Variants in GABRG3 observed in about 807,000 individuals in gnomAD.
GABRG3 encodes gamma-aminobutyric acid type A receptor subunit gamma3, also known as gamma-aminobutyric acid receptor subunit gamma-3.
In GABRG3, 25 loss-of-function variants were observed where a neutral mutation model predicts 48.8. The observed-to-expected ratio is 0.51, with a 90% CI of 0.37 to 0.72. GABRG3 has a LOEUF of 0.72. GABRG3 is among the 30% of genes least tolerant of loss of function. The pLI is 0.00. For synonymous variants in GABRG3, 227 were observed against 217.6 expected (o/e 1.04, Z -0.38); for missense variants, 394 against 577.9 (o/e 0.68, Z 3.26).
intron 3 of GABRG3, among the ~76,000 whole-genome samples, chr15:27,258,016 A>G (rs1890672163): frequency 6.6e-6 from 1 of 152,156 alleles, no homozygotes; most frequent in Admixed American, 6.5e-5. Flanking sequence ...AATGCTATTT[A>G]TATTTAAAGA....
intron 3 of GABRG3, among the ~76,000 whole-genome samples, chr15:27,195,832 A>G (rs1888479779): frequency 1.3e-5 from 2 of 152,054 alleles, no homozygotes; most frequent in South Asian, 2.1e-4. Flanking sequence ...ACGGGGTTTC[A>G]CTATTTTGGC....
Position 26,974,421 on chromosome 15 carries a change from C to G in GABRG3, c.54-2581C>G, listed in dbSNP as rs114398961. ...ATGATGAAAAGCTGGTTACTGTGCT[C>G]GGTTTGTGTGTATGTGATTATCAGG... On this transcript the variant is annotated intron_variant, in intron 1 of 9. Coordinates refer to ENST00000615808, the MANE Select transcript of GABRG3 (RefSeq NM_033223.5). The surrounding 1 kb of genome is among the most constrained non-coding windows in gnomAD (Gnocchi z 4.3). Among the ~76,000 whole-genome samples, 2,794 of 151,650 alleles carry G rather than the reference C, an allele frequency of 0.018. 96 individuals carry two copies. The highest frequency in any genetic ancestry group is 0.065 in the African/African-American group (2,681 of 41,258).
chr15:27,456,285 C>T (rs1889275768), intron 5 of GABRG3, among the ~76,000 whole-genome samples: 2 of 152,164 alleles, frequency 1.3e-5, no homozygotes, highest in Admixed American at 1.3e-4. Context: ...CTGTAGATCT[C>T]AAGAACTGTA....
At position 27,035,436 on chromosome 15, in the gene GABRG3, A is replaced by G. The variant is rs12438641; in HGVS notation, c.270+8615A>G. Among the ~76,000 whole-genome samples the G allele has an allele frequency of 1.9e-3, 289 of 152,196 alleles. 2 individuals are homozygous for G. In the East Asian group the frequency reaches 0.019, roughly 10 times the overall value. On this transcript the variant is annotated intron_variant, in intron 3 of 9. Transcript: ENST00000615808. ...GTGAATAGCTTCTTATTTTCCTTTC[A>G]TCTTGAACTTTTGCACTTCGATTGG...
At chr15:27,296,355 A>C (rs1891983344) in intron 3 of GABRG3, among the ~76,000 whole-genome samples, 1 of 152,200 alleles carries the variant, frequency 6.6e-6, no homozygotes, top group South Asian at 2.1e-4. Context: ...GAAATGTCAT[A>C]TACAATAAGA....
At chr15:27,369,521 T>G (rs555336202) in intron 5 of GABRG3, among the ~76,000 whole-genome samples, 1 of 152,142 alleles carries the variant, frequency 6.6e-6, no homozygotes, top group Non-Finnish European at 1.5e-5. Context: ...CTCTCCACTA[T>G]GAAATTATGG....
chr15:27,220,764 C>G (rs1889425727), intron 3 of GABRG3, among the ~76,000 whole-genome samples: 1 of 152,080 alleles, frequency 6.6e-6, no homozygotes. Flanking sequence ...TCACTGGGTG[C>G]CTGGAATTTC....
At chr15:27,141,364 T>A (rs534598608) in intron 3 of GABRG3, among the ~76,000 whole-genome samples, 1 of 152,070 alleles carries the variant, frequency 6.6e-6, no homozygotes, top group Non-Finnish European at 1.5e-5. Context: ...TTTTTCTAGG[T>A]ATTCATATTT....
chr15:27,142,247 T>C (rs1454017264), intron 3 of GABRG3, among the ~76,000 whole-genome samples: 2 of 152,208 alleles, frequency 1.3e-5, no homozygotes, highest in Non-Finnish European at 2.9e-5. Flanking sequence ...AATGTATTAG[T>C]CCGTTTTCAC....
chr15:27,453,145 T>C (rs1889159151), intron 5 of GABRG3, among the ~76,000 whole-genome samples: 1 of 152,182 alleles, frequency 6.6e-6, no homozygotes, highest in Admixed American at 6.5e-5. Flanking sequence ...GGGCAGGGAA[T>C]GTGAGAAAAT....
chr15:27,138,256 G>C (rs1898043797), intron 3 of GABRG3, among the ~76,000 whole-genome samples: 1 of 152,116 alleles, frequency 6.6e-6, no homozygotes, highest in South Asian at 2.1e-4. Flanking sequence ...TGGGGACTGT[G>C]GGTTAGTCAT....
chr15:26,987,122 G>A (rs1228218765), intron 2 of GABRG3, among the ~76,000 whole-genome samples: 2 of 152,154 alleles, frequency 1.3e-5, no homozygotes, highest in Non-Finnish European at 2.9e-5. Flanking sequence ...GCTGGGAGTG[G>A]TGGCAGGTGC....
At chr15:27,084,314 G>GTTTTCC (rs1235797087) in intron 3 of GABRG3, among the ~76,000 whole-genome samples, 1 of 152,150 alleles carries the variant, frequency 6.6e-6, no homozygotes, top group Non-Finnish European at 1.5e-5. Flanking sequence ...TTGCTTCTGA[G>GTTTTCC]TTTTCCAGGC....
intron 3 of GABRG3, among the ~76,000 whole-genome samples, chr15:27,296,509 G>A (rs143309925): frequency 3.3e-4 from 50 of 152,170 alleles, no homozygotes; most frequent in African/African-American, 1.1e-3. Flanking sequence ...AATTCTATAC[G>A]TATAAATAGT....
chr15:27,144,576 A>G (rs208168), intron 3 of GABRG3, among the ~76,000 whole-genome samples: 36,241 of 152,210 alleles, frequency 0.24, 5,687 homozygotes, highest in Non-Finnish European at 0.34. Flanking sequence ...CAAAAAATTC[A>G]AAGGAAAAGC....
intron 5 of GABRG3, among the ~76,000 whole-genome samples, chr15:27,396,462 A>G (rs1198494764): frequency 1.3e-5 from 2 of 152,254 alleles, no homozygotes; most frequent in African/African-American, 2.4e-5. Flanking sequence ...ACCAATACGC[A>G]CCTATTAGAA....
intron 3 of GABRG3, among the ~76,000 whole-genome samples, chr15:27,067,525 C>T (rs1896758277): frequency 6.6e-6 from 1 of 152,216 alleles, no homozygotes. Flanking sequence ...GCCTTTGCTG[C>T]AGATGGGGTG....
rs552380223 is a variant in GABRG3 at position 27,168,034 on chromosome 15, G to A, written c.270+141213G>A. Among the ~76,000 whole-genome samples the A allele has an allele frequency of 2.4e-4, 37 of 152,130 alleles. No individual in the cohort carries two copies. The South Asian group carries it at 7.2e-3, about 30-fold the overall frequency. On this transcript the variant is annotated intron_variant, in intron 3 of 9. Transcript: ENST00000615808. ...CTCTAACACCAGCTGTGTAGCCATA[G>A]GAAGGTGACTCAGGGGACCCCCCTT... is the stretch of plus-strand genomic sequence containing the variant.
chr15:27,205,657 A>T (rs1223859167), intron 3 of GABRG3, among the ~76,000 whole-genome samples: 8 of 150,406 alleles, frequency 5.3e-5, no homozygotes, highest in Admixed American at 4.6e-4. Context: ...TTCTTTACAT[A>T]CCTGGTAGAA....
Sources: allele counts gnomAD v4.1 joint callset (sites outside exome capture counted in the v4.1 genomes callset), GRCh38; gene constraint gnomAD v4.1.1; non-coding constraint Gnocchi (gnomAD v3.1); transcripts MANE v1.5; gene names NCBI Gene and HGNC (gene_info 2026-07-23, HGNC 2026-07-21).